Variants in FAM168A observed in about 807,000 individuals in gnomAD.
FAM168A encodes protein FAM168A.
In FAM168A, 3 loss-of-function variants were observed where a neutral mutation model predicts 28.5. The ratio of observed to expected loss-of-function variants is 0.11; its 90% CI spans 0.05 to 0.27. The LOEUF is 0.27. Ranked by LOEUF, FAM168A falls within the 10% of genes least tolerant of loss-of-function variation. The probability of loss-of-function intolerance (pLI) is 1.00; values close to 1 mark genes in which losing one functional copy is unlikely to be tolerated. For missense variants in FAM168A, 222 were observed against 311.5 expected (o/e 0.71, Z 2.16); for synonymous variants, 122 against 124.2 (o/e 0.98, Z 0.12).
At chr11:73,582,009 A>G (rs2134736032) in intron 1 of FAM168A, among the ~76,000 whole-genome samples, 1 of 151,780 alleles carries the variant, frequency 6.6e-6, no homozygotes, top group South Asian at 2.1e-4. Context: ...GAGCCACCGC[A>G]CCCAGCCAAC....
At chr11:73,484,507 G>GAGAT (rs1243168733) in intron 1 of FAM168A, among the ~76,000 whole-genome samples, 5 of 77,772 alleles carry the variant, frequency 6.4e-5, no homozygotes, top group African/African-American at 2.9e-4. Flanking sequence ...AGGAGAGAGA[G>GAGAT]ATATATATAG....
intron 2 of FAM168A, among the ~76,000 whole-genome samples, chr11:73,460,499 CTTTTTTTTTTTTT>C (rs547956382): frequency 8.9e-6 from 1 of 112,834 alleles, no homozygotes; most frequent in Non-Finnish European, 1.8e-5. Flanking sequence ...GCTACTAATG[CTTTTTTTTTTTTT>C]TTTTTTTTTG....
intron 1 of FAM168A, among the ~76,000 whole-genome samples, chr11:73,534,697 C>G: frequency 6.6e-6 from 1 of 152,122 alleles, no homozygotes; most frequent in East Asian, 1.9e-4. Flanking sequence ...AGCCACCACA[C>G]CCGGCAGTAC....
At chr11:73,424,483 A>G (rs1414706121) in intron 3 of FAM168A, among the ~76,000 whole-genome samples, 1 of 151,842 alleles carries the variant, frequency 6.6e-6, no homozygotes, top group Non-Finnish European at 1.5e-5. Flanking sequence ...TCCCTCATTT[A>G]TCAGCACGCT....
intron 1 of FAM168A, among the ~76,000 whole-genome samples, chr11:73,546,803 G>C (rs1417815986): frequency 6.6e-6 from 1 of 151,420 alleles, no homozygotes; most frequent in Non-Finnish European, 1.5e-5. Context: ...TATCTCGACT[G>C]TGGTGTGGTG....
At chr11:73,441,183 C>T (rs954739169) in intron 2 of FAM168A, among the ~76,000 whole-genome samples, 5 of 152,040 alleles carry the variant, frequency 3.3e-5, no homozygotes, top group African/African-American at 9.7e-5. Context: ...CTCAGCCTCC[C>T]AAGTAGCTGG....
chr11:73,541,666 G>A (rs189870215), intron 1 of FAM168A, among the ~76,000 whole-genome samples: 9 of 152,166 alleles, frequency 5.9e-5, no homozygotes, highest in Admixed American at 6.5e-5. Flanking sequence ...CACCGCACCC[G>A]GCTCCTAAAC....
chr11:73,401,221 C>T lies in FAM168A; in HGVS notation c.*5542G>A, dbSNP rs755212813. 20 of 152,268 alleles carry T rather than the reference C, an allele frequency of 1.3e-4. No individual in the cohort carries two copies. Among genetic ancestry groups the T allele is most frequent in the Middle Eastern group, 6.8e-3 (2 of 294 alleles). 9.4% of individuals were successfully genotyped at this position (152,268 alleles called of 1,614,324 possible). A position where few individuals can be genotyped will look rare whatever the true frequency, so the allele number is the denominator to read the frequency against. On this transcript the variant is annotated 3_prime_UTR_variant, in exon 8 of 8. Coordinates refer to ENST00000356467, the MANE Select transcript of FAM168A (RefSeq NM_015159.3). ...AATACAAAATCATATACAACGCTCT[C>T]TTCACAGGGATGTTACATGCCATGA...
rs76150526 is a variant in FAM168A at position 73,468,734 on chromosome 11, T to C, written c.-18-242A>G. On this transcript the variant is annotated intron_variant, in intron 1 of 7. Transcript: ENST00000356467. ...AACTTGCCTAATGTCAACCTAGGCA[T>C]TTTGGCTCTCAGCTCAGTGTTAGTC... is the stretch of plus-strand genomic sequence containing the variant. Among the ~76,000 whole-genome samples, 61 of 152,332 alleles carry C rather than the reference T, an allele frequency of 4.0e-4. 1 individual carries two copies. Among genetic ancestry groups the C allele is most frequent in the African/African-American group, 1.4e-3 (60 of 41,572 alleles).
chr11:73,499,528 A>G (rs1481885441), intron 1 of FAM168A, among the ~76,000 whole-genome samples: 1 of 152,216 alleles, frequency 6.6e-6, no homozygotes, highest in Non-Finnish European at 1.5e-5. Context: ...GATCAGATGG[A>G]CGAATTGAGA....
intron 1 of FAM168A, among the ~76,000 whole-genome samples, chr11:73,490,745 A>C (rs1170246235): frequency 6.6e-6 from 1 of 151,984 alleles, no homozygotes; most frequent in Non-Finnish European, 1.5e-5. Flanking sequence ...CCTTTAACAA[A>C]CTCAACATTA....
At chr11:73,429,800 C>T (rs1265298348) in intron 3 of FAM168A, among the ~76,000 whole-genome samples, 1 of 152,212 alleles carries the variant, frequency 6.6e-6, no homozygotes, top group Admixed American at 6.5e-5. Context: ...CAAATGGGAG[C>T]TACTTCAGGC....
intron 2 of FAM168A, among the ~76,000 whole-genome samples, chr11:73,444,087 T>C (rs1867255266): frequency 1.3e-5 from 2 of 152,216 alleles, no homozygotes; most frequent in African/African-American, 4.8e-5. Context: ...AAGTCAGCTG[T>C]ACCATTTACC....
chr11:73,539,436 A>C (rs1943626264), intron 1 of FAM168A, among the ~76,000 whole-genome samples: 1 of 151,802 alleles, frequency 6.6e-6, no homozygotes. Flanking sequence ...TGCCTGGCTA[A>C]TTTTTTGTAT....
chr11:73,528,584 C>T (rs1330620489), intron 1 of FAM168A, among the ~76,000 whole-genome samples: 1 of 152,098 alleles, frequency 6.6e-6, no homozygotes, highest in African/African-American at 2.4e-5. Flanking sequence ...AGTAGCTGTC[C>T]TTTCACCACT....
intron 1 of FAM168A, among the ~76,000 whole-genome samples, chr11:73,494,853 A>T (rs1312190409): frequency 1.3e-5 from 2 of 152,112 alleles, no homozygotes; most frequent in African/African-American, 4.8e-5. Context: ...TACAAAAATT[A>T]GCCAGGTGTG....
At chr11:73,410,883 C>CCATCA (rs1203781622) in intron 5 of FAM168A, among the ~76,000 whole-genome samples, 1 of 152,100 alleles carries the variant, frequency 6.6e-6, no homozygotes, top group African/African-American at 2.4e-5. Context: ...CCAGAAAGGC[C>CCATCA]CATCAGGCAC....
chr11:73,563,685 C>G (rs1943985233), intron 1 of FAM168A, among the ~76,000 whole-genome samples: 1 of 152,138 alleles, frequency 6.6e-6, no homozygotes, highest in African/African-American at 2.4e-5. Context: ...TCACAACAAC[C>G]CTTTGAGCCA....
chr11:73,413,483 A>C (rs1289352769), intron 4 of FAM168A, among the ~76,000 whole-genome samples: 1 of 152,166 alleles, frequency 6.6e-6, no homozygotes, highest in Non-Finnish European at 1.5e-5. Context: ...ATAGGAGGAG[A>C]AGCAGATACT....
Sources: allele counts gnomAD v4.1 joint callset (sites outside exome capture counted in the v4.1 genomes callset), GRCh38; gene constraint gnomAD v4.1.1; transcripts MANE v1.5; gene names NCBI Gene and HGNC (gene_info 2026-07-23, HGNC 2026-07-21).